RTTN: variants seen among roughly 807,000 people sequenced by gnomAD.
RTTN encodes rotatin.
A neutral mutation model predicts 269.2 loss-of-function variants in RTTN; 182 were observed. The observed-to-expected ratio is 0.68, with a 90% CI of 0.60 to 0.76. RTTN has a LOEUF of 0.76. Among genes scored for constraint, RTTN ranks in the 30% least tolerant of loss-of-function variants. The pLI is 0.00. For missense variants in RTTN, 2,545 were observed against 2,608.6 expected (o/e 0.98, Z 0.53); for synonymous variants, 1,006 against 963.5 (o/e 1.04, Z -0.82).
chr18:70,162,815 A>AAACCC (rs140662052), intron 14 of RTTN, among the ~76,000 whole-genome samples: 2,809 of 150,778 alleles, frequency 0.019, 100 homozygotes, highest in African/African-American at 0.064. Context: ...TTTGTACACC[A>AAACCC]AACCCCAGCA....
intron 28 of RTTN, among the ~76,000 whole-genome samples, chr18:70,101,914 C>G (rs548026680): frequency 6.6e-6 from 1 of 152,280 alleles, no homozygotes; most frequent in African/African-American, 2.4e-5. Context: ...TCCTGAGTTC[C>G]AGTTTGATTG....
chr18:70,121,726 G>A, intron 25 of RTTN, 26 bp from the exon 26 acceptor site: 1 of 1,515,862 alleles, frequency 6.6e-7, no homozygotes, highest in South Asian at 1.3e-5. Context: ...AATAATCATG[G>A]TTTCTGGCGC....
At chr18:70,128,315 T>TTAATTAATTG in intron 24 of RTTN, 43 bp downstream of exon 24, 1 of 1,505,552 alleles carries the variant, frequency 6.6e-7, no homozygotes, top group Non-Finnish European at 9.1e-7. Flanking sequence ...TTAATTACAA[T>TTAATTAATTG]TAATTAATTG....
intron 40 of RTTN, among the ~76,000 whole-genome samples, chr18:70,042,995 T>A (rs2057390245): frequency 6.6e-6 from 1 of 152,012 alleles, no homozygotes; most frequent in South Asian, 2.1e-4. Context: ...TGGAACCAGG[T>A]GAATGGATAT....
chr18:70,179,244 CTTA>C (rs1429247344), intron 10 of RTTN, among the ~76,000 whole-genome samples: 1 of 152,162 alleles, frequency 6.6e-6, no homozygotes, highest in Non-Finnish European at 1.5e-5. Flanking sequence ...CAGTGACAGT[CTTA>C]TTATATTGAC....
chr18:70,173,441 G>A (rs927134861), intron 11 of RTTN, among the ~76,000 whole-genome samples: 9 of 149,414 alleles, frequency 6.0e-5, no homozygotes, highest in African/African-American at 1.2e-4. Flanking sequence ...TGCAGTGAGC[G>A]GAGATCACGC....
intron 20 of RTTN, 160 bp downstream of exon 20, chr18:70,139,940 G>T: frequency 1.6e-6 from 1 of 642,952 alleles, no homozygotes; most frequent in Non-Finnish European, 2.7e-6. Context: ...CCTTTATAGA[G>T]ACTCCACTTT....
At chr18:70,193,010 GT>G in intron 8 of RTTN, 1 of 280,604 alleles carries the variant, frequency 3.6e-6, no homozygotes, top group African/African-American at 2.2e-5. Flanking sequence ...TGAACATTTT[GT>G]TTTGGGGGAC....
At chr18:70,184,603 A>T (rs773249839) in intron 10 of RTTN, among the ~76,000 whole-genome samples, 15 of 151,882 alleles carry the variant, frequency 9.9e-5, no homozygotes, top group Non-Finnish European at 2.2e-4. Context: ...GAAGACATAT[A>T]TATGGTATTC....
intron 34 of RTTN, among the ~76,000 whole-genome samples, chr18:70,071,677 A>G (rs1251673213): frequency 2.0e-5 from 3 of 152,164 alleles, no homozygotes; most frequent in African/African-American, 7.2e-5. Flanking sequence ...CAGTTTATCA[A>G]ACATACAGGA....
intron 27 of RTTN, among the ~76,000 whole-genome samples, chr18:70,113,723 T>C (rs371970803): frequency 6.6e-6 from 1 of 152,094 alleles, no homozygotes; most frequent in Non-Finnish European, 1.5e-5. Context: ...TAGAAAGAAG[T>C]AGTGATATTT....
At chr18:70,118,567 C>T (rs1247286195) in intron 26 of RTTN, among the ~76,000 whole-genome samples, 1 of 152,064 alleles carries the variant, frequency 6.6e-6, no homozygotes, top group Non-Finnish European at 1.5e-5. Context: ...AGAAGGAATA[C>T]TTCCAAACTC....
At chr18:70,203,223 G>A (rs1366397980) in intron 3 of RTTN, among the ~76,000 whole-genome samples, 4 of 150,430 alleles carry the variant, frequency 2.7e-5, no homozygotes, top group African/African-American at 4.9e-5. Context: ...TTTTCGAGAT[G>A]GAGTCTTGCT....
intron 14 of RTTN, among the ~76,000 whole-genome samples, chr18:70,153,629 C>T (rs1026899434): frequency 1.1e-4 from 17 of 152,200 alleles, no homozygotes; most frequent in South Asian, 2.1e-4. Flanking sequence ...ATTACTAGCA[C>T]GCTCCTACAT....
chr18:70,185,934 TTAAGAA>T (rs1276651304), intron 10 of RTTN, among the ~76,000 whole-genome samples: 17 of 152,058 alleles, frequency 1.1e-4, no homozygotes, highest in African/African-American at 2.4e-4. Context: ...AAAAGAATAC[TTAAGAA>T]TAAGTGTTTT....
intron 34 of RTTN, among the ~76,000 whole-genome samples, chr18:70,071,419 T>A (rs1031194007): frequency 1.3e-5 from 2 of 152,220 alleles, no homozygotes; most frequent in Admixed American, 6.5e-5. Flanking sequence ...GACATAGTTC[T>A]GCTCAGGAAC....
At chr18:70,143,400 G>A (rs2060309321) in intron 18 of RTTN, among the ~76,000 whole-genome samples, 1 of 152,142 alleles carries the variant, frequency 6.6e-6, no homozygotes, top group Admixed American at 6.5e-5. Context: ...ATACACCATA[G>A]AGTACCATGC....
intron 28 of RTTN, among the ~76,000 whole-genome samples, chr18:70,108,665 C>T (rs960440307): frequency 3.9e-5 from 6 of 152,062 alleles, no homozygotes; most frequent in Non-Finnish European, 5.9e-5. Flanking sequence ...AGTAATACAT[C>T]ACAACCTAAC....
intron 14 of RTTN, among the ~76,000 whole-genome samples, chr18:70,160,692 C>T (rs2060804890): frequency 1.3e-5 from 2 of 149,038 alleles, no homozygotes; most frequent in Non-Finnish European, 3.0e-5. Context: ...ACCATATTCT[C>T]TGCCCAAAAG....
Sources: gnomAD v4.1 joint callset for allele counts (sites outside exome capture counted in the v4.1 genomes callset) on GRCh38, gnomAD v4.1.1 for gene constraint, MANE v1.5 for transcripts, NCBI Gene and HGNC (gene_info 2026-07-23, HGNC 2026-07-21) for gene names.